The following TTPAL variants were observed in gnomAD, a reference collection of about 807,000 sequenced individuals.
TTPAL encodes the protein alpha tocopherol transfer protein like.
TTPAL carries 21 observed loss-of-function variants against 28.7 expected under a neutral mutation model. The observed-to-expected ratio is 0.73, with a 90% confidence interval of 0.52 to 1.06. The LOEUF is 1.06. TTPAL is among the 50% of genes least tolerant of loss of function. TTPAL has a pLI of 0.00. For synonymous variants in TTPAL, 169 were observed against 171.9 expected, an observed-to-expected ratio of 0.98 and a Z score of 0.13; for missense variants, 345 against 425.5, an observed-to-expected ratio of 0.81 and a Z score of 1.67.
intron 2 of TTPAL, among the ~76,000 whole-genome samples, chr20:44,482,470 G>A (rs2064114893): frequency 6.6e-6 from 1 of 150,722 alleles, no homozygotes; most frequent in Non-Finnish European, 1.5e-5. Flanking sequence ...CTACCCCGGA[G>A]GCTGAGGCAG....
chr20:44,486,623 G>T lies in TTPAL; in HGVS notation c.667G>T (p.Val223Phe). 6.2e-7 allele frequency: 1 copy of T among 1,613,460 alleles called. No homozygotes were observed. The highest frequency in any genetic ancestry group is 8.5e-7 in the Non-Finnish European group (1 of 1,179,688). Residue 223 changes from valine to phenylalanine, a missense_variant, in exon 4 of 5, where the codon GTC becomes TTC. Coordinates refer to ENST00000262605, the MANE Select transcript of TTPAL (RefSeq NM_001039199.3). ...QDGFPIRIKAVHVVNEPRIFK... is the reference protein window; with the variant it reads ...QDGFPIRIKAFHVVNEPRIFK... ...TGGTTTCCCCATTCGGATAAAAGCA[G>T]TCCATGTGGTGAATGAACCTCGAAT...
chr20:44,484,219 A>T, intron 2 of TTPAL, 118 bp from the exon 3 acceptor site: 1 of 664,814 alleles, frequency 1.5e-6, no homozygotes, highest in Non-Finnish European at 2.3e-6. Context: ...AGTCATGGCT[A>T]CTAGAATATC....
Position 44,484,319 on chromosome 20 carries a change from A to C in TTPAL, c.446-18A>C. Reference sequence around the variant, plus strand: ...ATATTAACTTCTGTAACATACTGTCAATCTCTTATGACCTTAGACAGATGG... The same window carrying C: ...ATATTAACTTCTGTAACATACTGTCCATCTCTTATGACCTTAGACAGATGG... On this transcript the variant is annotated intron_variant, in intron 2 of 4. Coordinates refer to ENST00000262605, the MANE Select transcript of TTPAL (RefSeq NM_001039199.3). 1 of 1,470,660 alleles carries C rather than the reference A, an allele frequency of 6.8e-7. No individual in the cohort carries two copies. The highest frequency in any genetic ancestry group is 9.2e-7 in the Non-Finnish European group (1 of 1,087,530). 91.1% of individuals were successfully genotyped at this position (1,470,660 alleles called of 1,614,324 possible).
rs1299862893 is a variant in TTPAL, at chr20:44,475,968, C to T, written c.-39C>T. ...ACGAGGCTCCCGCCGCCGATTGACC[C>T]GCGCTCCGCCCGTAGTCGGGCCGGT... On this transcript the variant is annotated 5_prime_UTR_variant, in exon 1 of 5. Coordinates refer to ENST00000262605, the MANE Select transcript of TTPAL (RefSeq NM_001039199.3). 6.6e-6 allele frequency: 1 copy of T among 152,314 alleles called. No individual in the cohort carries two copies. Among genetic ancestry groups the T allele is most frequent in the Non-Finnish European group, 1.5e-5 (1 of 68,098 alleles). The allele number at this position is 152,314 out of a possible 1,614,324, so 9.4% of individuals were successfully genotyped here. A position where few individuals can be genotyped will look rare whatever the true frequency, so the allele number is the denominator to read the frequency against.
In TTPAL at chr20:44,489,458, C is replaced by A. The variant is rs1344736521; in HGVS notation, c.946C>A (p.Leu316Met). The stretch of plus-strand genomic sequence containing the variant: ...CTGTGACAGCATCCTGGGCCAGACG[C>A]TGCTGCCCGAGGGCCTGACCTCAGA... Reference protein sequence around the residue: ...PACDSILGQTLLPEGLTSDAQ... With the variant: ...PACDSILGQTMLPEGLTSDAQ... Residue 316 changes from leucine to methionine, a missense_variant, in exon 5 of 5, where the codon CTG becomes ATG. Coordinates refer to ENST00000262605, the MANE Select transcript of TTPAL (RefSeq NM_001039199.3). 34 of 1,614,120 alleles carry A rather than the reference C, an allele frequency of 2.1e-5. No individual in the cohort carries two copies. The highest frequency in any genetic ancestry group is 2.9e-5 in the Non-Finnish European group (34 of 1,180,052).
rs187155547 is a variant in TTPAL, at chr20:44,476,828, G to A, written c.-16+837G>A. 3.3e-5 allele frequency among the ~76,000 whole-genome samples: 5 copies of A among 152,370 alleles called. No homozygotes were observed. The East Asian group carries it at 9.6e-4, about 29-fold the overall frequency. Reference sequence around the variant, plus strand: ...TGTTCCCAGTGCCTGTGAGCACAGTGCCTGACATATATGGTAGGTGATCGG... The same window carrying A: ...TGTTCCCAGTGCCTGTGAGCACAGTACCTGACATATATGGTAGGTGATCGG... On this transcript the variant is annotated intron_variant, in intron 1 of 4. Transcript: ENST00000262605.
rs1008735673 is a variant in TTPAL at position 44,494,041 on chromosome 20, T to C, written c.*4500T>C. On this transcript the variant is annotated 3_prime_UTR_variant, in exon 5 of 5. Coordinates refer to ENST00000262605, the MANE Select transcript of TTPAL (RefSeq NM_001039199.3). The stretch of plus-strand genomic sequence containing the variant: ...TGACAAAGCAATATTCTGTGTCAAA[T>C]AAATAAATTCATTCTTCTGCTCTCC... 6.6e-6 allele frequency: 1 copy of C among 152,350 alleles called. No homozygotes were observed. 9.4% of individuals were successfully genotyped at this position (152,350 alleles called of 1,614,324 possible). A position where few individuals can be genotyped will look rare whatever the true frequency, so the allele number is the denominator to read the frequency against.
At chr20:44,481,401 G>C (rs1039161152) in intron 2 of TTPAL, among the ~76,000 whole-genome samples, 1 of 152,018 alleles carries the variant, frequency 6.6e-6, no homozygotes, top group African/African-American at 2.4e-5. Context: ...AAAAAAAAAT[G>C]CTCTTTGGGG....
At chr20:44,479,137 T>C (rs935879339) in intron 1 of TTPAL, among the ~76,000 whole-genome samples, 2 of 151,662 alleles carry the variant, frequency 1.3e-5, no homozygotes, top group Non-Finnish European at 2.9e-5. Flanking sequence ...TATGGTAATA[T>C]TACTTAACCA....
In TTPAL at chr20:44,484,469, GT is replaced by G; in HGVS notation, c.581del (p.Leu194TyrfsTer11). ...IVILADYKGV[S>X]LSKASHFGPF... Reference sequence around the variant, plus strand: ...ATTCTTGCAGACTACAAAGGAGTGAGTTTATCAAAAGCATCTCACTTTGGCC... The same window carrying G: ...ATTCTTGCAGACTACAAAGGAGTGAGTTATCAAAAGCATCTCACTTTGGCC... On this transcript the variant is annotated frameshift_variant, in exon 3 of 5. Coordinates refer to ENST00000262605, the MANE Select transcript of TTPAL (RefSeq NM_001039199.3). LOFTEE classifies it high-confidence loss of function. 6.2e-7 allele frequency: 1 copy of G among 1,600,742 alleles called. No homozygotes were observed. The highest frequency in any genetic ancestry group is 8.6e-7 in the Non-Finnish European group (1 of 1,168,848).
chr20:44,485,246 T>C (rs2064141368), intron 3 of TTPAL, among the ~76,000 whole-genome samples: 1 of 152,190 alleles, frequency 6.6e-6, no homozygotes, highest in Non-Finnish European at 1.5e-5. Context: ...TCACACCTCA[T>C]GTTCTGTGTT....
In TTPAL at chr20:44,493,603, A is replaced by G. The variant is rs1018779234; in HGVS notation, c.*4062A>G. 1 of 152,346 alleles carries G rather than the reference A, an allele frequency of 6.6e-6. No homozygotes were observed. The highest frequency in any genetic ancestry group is 1.5e-5 in the Non-Finnish European group (1 of 68,038). 9.4% of individuals were successfully genotyped at this position (152,346 alleles called of 1,614,324 possible). A position where few individuals can be genotyped will look rare whatever the true frequency, so the allele number is the denominator to read the frequency against. ...ATGTTAGCTAAACCAATTATATACT[A>G]TATACTATACACTGTATCTCCTGTG... On this transcript the variant is annotated 3_prime_UTR_variant, in exon 5 of 5. Coordinates refer to ENST00000262605, the MANE Select transcript of TTPAL (RefSeq NM_001039199.3).
chr20:44,480,531 T>C lies in TTPAL; in HGVS notation c.445+87T>C, dbSNP rs1285625352. ...CACCCTGTCCTCCTTTCCAAGTCCC[T>C]TTTTTACCCCTCCTTTGTTATAGTC... On this transcript the variant is annotated intron_variant, in intron 2 of 4. Transcript: ENST00000262605. This position sits in a 1 kb window ranked among gnomAD's most constrained non-coding sequence, Gnocchi z 4.1. The C allele has an allele frequency of 2.3e-6, 3 of 1,281,802 alleles. No individual in the cohort carries two copies. The Admixed American group carries it at 7.0e-5, about 30-fold the overall frequency. 79.4% of individuals were successfully genotyped at this position (1,281,802 alleles called of 1,614,324 possible).
intron 2 of TTPAL, 107 bp from the exon 3 acceptor site, chr20:44,484,230 T>G (rs752345657): frequency 1.1e-4 from 88 of 776,084 alleles, no homozygotes; most frequent in Non-Finnish European, 1.5e-4. Flanking sequence ...CTAGAATATC[T>G]TTCTTTTCCA....
chr20:44,482,649 G>C (rs996587409), intron 2 of TTPAL, among the ~76,000 whole-genome samples: 3 of 150,724 alleles, frequency 2.0e-5, no homozygotes, highest in Admixed American at 2.0e-4. Context: ...TATCTTTTAA[G>C]AAAGAGGCAC....
At position 44,480,281 on chromosome 20, in the gene TTPAL, G is replaced by A. The variant is rs187243728; in HGVS notation, c.282G>A (p.Arg94=). 2.7e-4 allele frequency: 431 copies of A among 1,614,102 alleles called. No individual in the cohort carries two copies. Among genetic ancestry groups the A allele is most frequent in the Non-Finnish European group, 3.4e-4 (403 of 1,180,010 alleles). The change falls in exon 2 of 5, where the codon CGG becomes CGA. Residue 94 remains arginine (R), a synonymous_variant. Coordinates refer to ENST00000262605, the MANE Select transcript of TTPAL (RefSeq NM_001039199.3). This position sits in a 1 kb window ranked among gnomAD's most constrained non-coding sequence, Gnocchi z 4.1. ...GAGCCCGCAAGTTTGATTACGACCG[G>A]GCCCTGCAGCTCCTCGTCAACTACC... The part of the protein sequence containing the change: ...FLRARKFDYD[R]ALQLLVNYHS...
intron 1 of TTPAL, among the ~76,000 whole-genome samples, chr20:44,477,406 G>A (rs1302729198): frequency 6.6e-6 from 1 of 152,152 alleles, no homozygotes; most frequent in East Asian, 1.9e-4. Context: ...GACAAACTTG[G>A]ATGTTGCTCA....
chr20:44,480,356 A>T lies in TTPAL; in HGVS notation c.357A>T (p.Ser119=). The T allele has an allele frequency of 6.2e-7, 1 of 1,614,138 alleles. No individual in the cohort carries two copies. The highest frequency in any genetic ancestry group is 8.5e-7 in the Non-Finnish European group (1 of 1,180,024). ...WPEVFNNLKP[S]ALKDVLASGF... is the part of the protein sequence containing the mutation. ...AAGTCTTCAATAACTTGAAGCCATCAGCCTTAAAAGATGTCCTTGCTTCCG... is the reference window on the plus strand; with the variant it reads ...AAGTCTTCAATAACTTGAAGCCATCTGCCTTAAAAGATGTCCTTGCTTCCG... Residue 119 remains serine, a synonymous_variant, in exon 2 of 5, where the codon TCA becomes TCT. Coordinates refer to ENST00000262605, the MANE Select transcript of TTPAL (RefSeq NM_001039199.3). The surrounding 1 kb of genome is among the most constrained non-coding windows in gnomAD (Gnocchi z 4.1).
At position 44,480,345 on chromosome 20, in the gene TTPAL, T is replaced by C. The variant is rs754836448; in HGVS notation, c.346T>C (p.Leu116=). ...AAGCTGGCCCGAAGTCTTCAATAAC[T>C]TGAAGCCATCAGCCTTAAAAGATGT... ...RRSWPEVFNN[L]KPSALKDVLA... is the part of the protein sequence containing the mutation. Residue 116 remains leucine (L), a synonymous_variant, in exon 2 of 5, where the codon TTG becomes CTG. Transcript: ENST00000262605. The surrounding 1 kb of genome is among the most constrained non-coding windows in gnomAD (Gnocchi z 4.1). The C allele has an allele frequency of 5.9e-5, 95 of 1,614,064 alleles. No individual in the cohort carries two copies. The highest frequency in any genetic ancestry group is 7.5e-5 in the Non-Finnish European group (88 of 1,180,030).
Sources: allele counts gnomAD v4.1 joint callset (sites outside exome capture counted in the v4.1 genomes callset), GRCh38; gene constraint gnomAD v4.1.1; non-coding constraint Gnocchi (gnomAD v3.1); transcripts MANE v1.5; gene names NCBI Gene and HGNC (gene_info 2026-07-23, HGNC 2026-07-21).